Variants in PPP1R9A observed in about 807,000 individuals in gnomAD.
The protein encoded by PPP1R9A is protein phosphatase 1 regulatory subunit 9A, also known as neurabin-1.
PPP1R9A carries 59 observed loss-of-function variants against 141.9 expected under a neutral mutation model. The ratio of observed to expected loss-of-function variants is 0.42; its 90% CI spans 0.34 to 0.52. The LOEUF is 0.52. PPP1R9A is among the 20% of genes least tolerant of loss of function. The pLI, the probability that PPP1R9A is intolerant of heterozygous loss-of-function variation, is 0.10. For missense variants in PPP1R9A, 1,444 were observed against 1,611.9 expected (o/e 0.90, Z 1.78); for synonymous variants, 500 against 569.7 (o/e 0.88, Z 1.74).
At chr7:95,224,411 TG>T (rs1483762825) in intron 7 of PPP1R9A, among the ~76,000 whole-genome samples, 1 of 152,112 alleles carries the variant, frequency 6.6e-6, no homozygotes, top group African/African-American at 2.4e-5. Flanking sequence ...AGCCTCTGTG[TG>T]GGGAGGTAGA....
At chr7:94,962,849 T>C (rs187699010) in intron 2 of PPP1R9A, among the ~76,000 whole-genome samples, 1 of 152,220 alleles carries the variant, frequency 6.6e-6, no homozygotes, top group East Asian at 1.9e-4. Flanking sequence ...TTAACACAGC[T>C]CCCTTTGAAT....
Position 94,910,521 on chromosome 7 carries a change from T to A in PPP1R9A, c.408T>A (p.Tyr136Ter), listed in dbSNP as rs1791333374. 6.2e-7 allele frequency: 1 copy of A among 1,614,174 alleles called. No homozygotes were observed. The highest frequency in any genetic ancestry group is 8.5e-7 in the Non-Finnish European group (1 of 1,180,034). ...ACACTATGTACGATGGCCCTTCATA[T>A]TCCAAGTTCACTGAGACTCGAAAGA... The part of the protein sequence containing the change: ...RFDTMYDGPS[Y>*]SKFTETRKMF... Residue 136 changes from tyrosine (Y) to a stop codon, truncating the protein, a stop_gained, in exon 2 of 20, where the codon TAT becomes TAA. Transcript: ENST00000433360. LOFTEE classifies it high-confidence loss of function. This position sits in a 1 kb window ranked among gnomAD's most constrained non-coding sequence, Gnocchi z 4.5.
chr7:95,100,915 G>T (rs1039102421), intron 2 of PPP1R9A, among the ~76,000 whole-genome samples: 1 of 146,052 alleles, frequency 6.8e-6, no homozygotes, highest in East Asian at 2.0e-4. Context: ...TGCAGTGGCG[G>T]GATCTCGGCT....
At chr7:95,109,130 G>A (rs1392603740) in intron 2 of PPP1R9A, among the ~76,000 whole-genome samples, 2 of 152,146 alleles carry the variant, frequency 1.3e-5, no homozygotes, top group African/African-American at 4.8e-5. Flanking sequence ...ATAGATATGT[G>A]TATGTGTGTG....
intron 2 of PPP1R9A, among the ~76,000 whole-genome samples, chr7:94,928,209 G>C (rs998784287): frequency 2.6e-5 from 4 of 152,072 alleles, no homozygotes; most frequent in African/African-American, 9.7e-5. Context: ...TTTGAGAAAA[G>C]AGTAAACCAG....
chr7:95,115,850 G>T (rs1041766581), intron 3 of PPP1R9A, among the ~76,000 whole-genome samples: 1 of 150,988 alleles, frequency 6.6e-6, no homozygotes, highest in African/African-American at 2.4e-5. Context: ...CTGGGAGGTG[G>T]AGGTTGCAGT....
chr7:95,015,311 T>C (rs934757324), intron 2 of PPP1R9A, among the ~76,000 whole-genome samples: 8 of 151,934 alleles, frequency 5.3e-5, no homozygotes, highest in Non-Finnish European at 8.8e-5. Flanking sequence ...TATTTAAAAA[T>C]CTACAGTGTG....
At chr7:95,177,481 G>T (rs1833068233) in intron 5 of PPP1R9A, among the ~76,000 whole-genome samples, 1 of 151,556 alleles carries the variant, frequency 6.6e-6, no homozygotes, top group Admixed American at 6.6e-5. Flanking sequence ...ACAAAAACCA[G>T]GGTACACAGG....
At chr7:95,029,481 G>T (rs1265940875) in intron 2 of PPP1R9A, among the ~76,000 whole-genome samples, 1 of 152,142 alleles carries the variant, frequency 6.6e-6, no homozygotes, top group Non-Finnish European at 1.5e-5. Flanking sequence ...AAAATTCTGT[G>T]CAATTACATA....
chr7:95,259,280 T>C (rs891654094), intron 12 of PPP1R9A, among the ~76,000 whole-genome samples: 4 of 151,614 alleles, frequency 2.6e-5, no homozygotes, highest in African/African-American at 9.7e-5. Flanking sequence ...TGGAGGTACA[T>C]GGTTGTCTTT....
intron 2 of PPP1R9A, among the ~76,000 whole-genome samples, chr7:94,968,917 T>C (rs1159411812): frequency 1.3e-5 from 2 of 151,970 alleles, no homozygotes; most frequent in African/African-American, 2.4e-5. Context: ...TACGCTTTCT[T>C]CTGCTTGATC....
chr7:94,918,128 A>T (rs1792323491), intron 2 of PPP1R9A, among the ~76,000 whole-genome samples: 1 of 152,056 alleles, frequency 6.6e-6, no homozygotes, highest in Non-Finnish European at 1.5e-5. Context: ...TTGCTTCATT[A>T]TATTCTATAG....
chr7:95,129,714 G>A (rs562755738), intron 4 of PPP1R9A, among the ~76,000 whole-genome samples: 1 of 152,296 alleles, frequency 6.6e-6, no homozygotes, highest in East Asian at 1.9e-4. Flanking sequence ...GAACAATAAG[G>A]TCCAGGCTGA....
intron 2 of PPP1R9A, among the ~76,000 whole-genome samples, chr7:94,954,229 A>G (rs1796819445): frequency 6.6e-6 from 1 of 151,364 alleles, no homozygotes; most frequent in South Asian, 2.1e-4. Context: ...AAGTTTTTAT[A>G]TTTGTATGTT....
intron 4 of PPP1R9A, among the ~76,000 whole-genome samples, chr7:95,148,050 AG>A (rs1827965063): frequency 6.6e-6 from 1 of 152,202 alleles, no homozygotes. Flanking sequence ...ATGCTGTAAA[AG>A]CAGCGCTTTG....
chr7:95,026,192 T>C (rs1806809470), intron 2 of PPP1R9A, among the ~76,000 whole-genome samples: 1 of 152,254 alleles, frequency 6.6e-6, no homozygotes, highest in Non-Finnish European at 1.5e-5. Context: ...TCATGCTGGT[T>C]TCTTCTGATC....
At chr7:95,244,013 T>A (rs1052774156) in intron 8 of PPP1R9A, among the ~76,000 whole-genome samples, 4 of 152,188 alleles carry the variant, frequency 2.6e-5, no homozygotes, top group African/African-American at 9.6e-5. Flanking sequence ...TCAAAAGTGA[T>A]GGATTTGTAG....
chr7:95,214,775 A>G (rs1221358861), intron 7 of PPP1R9A, among the ~76,000 whole-genome samples: 1 of 152,130 alleles, frequency 6.6e-6, no homozygotes, highest in Non-Finnish European at 1.5e-5. Flanking sequence ...AAAATATTTT[A>G]TTGGCAAATA....
intron 12 of PPP1R9A, among the ~76,000 whole-genome samples, chr7:95,262,819 A>G (rs534076729): frequency 6.6e-6 from 1 of 152,358 alleles, no homozygotes; most frequent in African/African-American, 2.4e-5. Context: ...AATTAAATGT[A>G]TAGCTCATAC....
Sources: allele counts gnomAD v4.1 joint callset (sites outside exome capture counted in the v4.1 genomes callset), GRCh38; gene constraint gnomAD v4.1.1; non-coding constraint Gnocchi (gnomAD v3.1); transcripts MANE v1.5; gene names NCBI Gene and HGNC (gene_info 2026-07-23, HGNC 2026-07-21).